Variants in STARD13 observed in about 807,000 individuals in gnomAD.
STARD13 encodes the protein StAR related lipid transfer domain containing 13, also known as stAR-related lipid transfer protein 13.
A neutral mutation model predicts 106.4 loss-of-function variants in STARD13; 62 were observed. That is an observed-to-expected ratio of 0.58 (90% CI 0.48 to 0.72). The LOEUF (loss-of-function observed/expected upper bound fraction) is 0.72. Among genes scored for constraint, STARD13 ranks in the 30% least tolerant of loss-of-function variants. The pLI, the probability that STARD13 is intolerant of heterozygous loss-of-function variation, is 0.00. For synonymous variants in STARD13, 565 were observed against 553.0 expected, an observed-to-expected ratio of 1.02 and a Z score of -0.31; for missense variants, 1,387 against 1,424.0, an observed-to-expected ratio of 0.97 and a Z score of 0.42.
chr13:33,126,201 G>T lies in STARD13; in HGVS notation c.1962C>A (p.Asp654Glu). 1 of 1,614,172 alleles carries T rather than the reference G, an allele frequency of 6.2e-7. No homozygotes were observed. The highest frequency in any genetic ancestry group is 8.5e-7 in the Non-Finnish European group (1 of 1,180,036). ...PKFMKRMKVPDYKDKAVFGVP... is the reference protein window; with the variant it reads ...PKFMKRMKVPEYKDKAVFGVP... Reference sequence around the variant, plus strand: ...CGCCAAAGACAGCCTTGTCTTTGTAGTCGGGAACTTTCATCCTCTTCATGA... The same window carrying T: ...CGCCAAAGACAGCCTTGTCTTTGTATTCGGGAACTTTCATCCTCTTCATGA... Residue 654 changes from aspartate (D) to glutamate (E), a missense_variant, in exon 7 of 14, where the codon GAC (aspartate) becomes GAA (glutamate). Asp to Glu is a conservative substitution (Grantham distance 45, BLOSUM62 2). Transcript: ENST00000336934.
chr13:33,297,198 A>G lies in STARD13; in HGVS notation c.124+53092T>C, dbSNP rs563386667. 1.5e-3 allele frequency among the ~76,000 whole-genome samples: 225 copies of G among 152,336 alleles called. 1 individual carries two copies. The highest frequency in any genetic ancestry group is 5.2e-3 in the African/African-American group (217 of 41,572). On this transcript the variant is annotated intron_variant, in intron 1 of 5. Transcript: ENST00000567873. ...AGTCTCCCAGAGCACCACCATAATC[A>G]CACTGTGTCTTATAGTTCAGACCTG...
the STARD13 span, among the ~76,000 whole-genome samples, chr13:33,548,099 A>G: frequency 6.6e-6 from 1 of 152,168 alleles, no homozygotes; most frequent in Non-Finnish European, 1.5e-5. Flanking sequence ...CTTTTACAAT[A>G]TAGTTTTTGG....
the STARD13 span, among the ~76,000 whole-genome samples, chr13:33,447,754 T>G: frequency 6.6e-6 from 1 of 152,208 alleles, no homozygotes; most frequent in African/African-American, 2.4e-5. Flanking sequence ...GAAAAGACAA[T>G]AGATTAATCT....
intron 1 of STARD13, among the ~76,000 whole-genome samples, chr13:33,341,591 C>CAAA (rs543220774): frequency 2.4e-3 from 184 of 76,952 alleles, no homozygotes; most frequent in African/African-American, 8.4e-3. Flanking sequence ...ACTCCGTCTC[C>CAAA]AAAAAAAAAA....
the STARD13 span, among the ~76,000 whole-genome samples, chr13:33,392,695 C>T: frequency 3.3e-5 from 5 of 152,264 alleles, no homozygotes; most frequent in East Asian, 7.7e-4. Flanking sequence ...CCACTGTGCC[C>T]GGCCTGGTAA....
At chr13:33,511,837 A>G in the STARD13 span, among the ~76,000 whole-genome samples, 1 of 152,162 alleles carries the variant, frequency 6.6e-6, no homozygotes, top group Non-Finnish European at 1.5e-5. Flanking sequence ...CTAAAGTTTA[A>G]AAATAACTAA....
chr13:33,293,997 T>C (rs1466633435), intron 1 of STARD13, among the ~76,000 whole-genome samples: 1 of 152,194 alleles, frequency 6.6e-6, no homozygotes, highest in Non-Finnish European at 1.5e-5. Flanking sequence ...TGCAAAGACA[T>C]GTATTTCACT....
At chr13:33,338,230 CA>C (rs1162901722) in intron 1 of STARD13, among the ~76,000 whole-genome samples, 1 of 152,160 alleles carries the variant, frequency 6.6e-6, no homozygotes, top group East Asian at 1.9e-4. Flanking sequence ...CCATGAAATC[CA>C]GACAGAAAAG....
chr13:33,256,409 G>A (rs1396632903), intron 1 of STARD13, among the ~76,000 whole-genome samples: 1 of 152,126 alleles, frequency 6.6e-6, no homozygotes, highest in Non-Finnish European at 1.5e-5. Flanking sequence ...ATGATCACCA[G>A]GTACCCAGGC....
the STARD13 span, among the ~76,000 whole-genome samples, chr13:33,499,603 CTTTCTT>C: frequency 3.2e-3 from 151 of 47,242 alleles, 3 homozygotes; most frequent in Middle Eastern, 9.4e-3. Context: ...TCTTCTTCTT[CTTTCTT>C]CTTCTTCTTC....
At chr13:33,128,629 G>T (rs1360016962) in intron 5 of STARD13, among the ~76,000 whole-genome samples, 3 of 152,152 alleles carry the variant, frequency 2.0e-5, no homozygotes, top group African/African-American at 7.2e-5. Context: ...GGTTATCCAG[G>T]ATTCCCTGCC....
the STARD13 span, among the ~76,000 whole-genome samples, chr13:33,465,068 C>T: frequency 6.6e-6 from 1 of 152,152 alleles, no homozygotes; most frequent in Non-Finnish European, 1.5e-5. Context: ...CTGTCAACTG[C>T]TTCCCCTAAA....
chr13:33,234,335 CAG>C (rs2138222248), intron 1 of STARD13, among the ~76,000 whole-genome samples: 1 of 152,308 alleles, frequency 6.6e-6, no homozygotes, highest in East Asian at 1.9e-4. Context: ...GATACAGGAA[CAG>C]AGTCCCAGCT....
At chr13:33,325,216 A>G (rs934854393) in intron 1 of STARD13, among the ~76,000 whole-genome samples, 2 of 152,070 alleles carry the variant, frequency 1.3e-5, no homozygotes, top group Admixed American at 6.6e-5. Flanking sequence ...ACTACTTCCT[A>G]CTGATGCTGA....
At chr13:33,149,872 A>T (rs78464058) in intron 3 of STARD13, among the ~76,000 whole-genome samples, 2,309 of 152,344 alleles carry the variant, frequency 0.015, 68 homozygotes, top group African/African-American at 0.053. Flanking sequence ...GCCAATCTGC[A>T]TTTAGGACAA....
chr13:33,170,492 G>A (rs990893308), intron 1 of STARD13, among the ~76,000 whole-genome samples: 1 of 152,110 alleles, frequency 6.6e-6, no homozygotes, highest in African/African-American at 2.4e-5. Context: ...ATACATACAT[G>A]AATAACCAAA....
At chr13:33,416,254 C>T in the STARD13 span, among the ~76,000 whole-genome samples, 1 of 152,142 alleles carries the variant, frequency 6.6e-6, no homozygotes, top group Non-Finnish European at 1.5e-5. Flanking sequence ...CACTAGATAT[C>T]AATCTAGTAA....
chr13:33,123,724 C>A (rs1007829553), intron 7 of STARD13, among the ~76,000 whole-genome samples: 1 of 152,206 alleles, frequency 6.6e-6, no homozygotes, highest in Non-Finnish European at 1.5e-5. Context: ...GCTGGGCATG[C>A]AGGAGTGTGG....
chr13:33,225,130 A>G (rs1325819036), intron 1 of STARD13, among the ~76,000 whole-genome samples: 1 of 152,224 alleles, frequency 6.6e-6, no homozygotes, highest in Non-Finnish European at 1.5e-5. Context: ...AATTTAATAT[A>G]TTCTTAATCA....
Sources: allele counts gnomAD v4.1 joint callset (sites outside exome capture counted in the v4.1 genomes callset), GRCh38; gene constraint gnomAD v4.1.1; transcripts MANE v1.5; gene names NCBI Gene and HGNC (gene_info 2026-07-23, HGNC 2026-07-21).